The following MDM2 variants were observed in gnomAD, a reference collection of about 807,000 sequenced individuals.
MDM2 encodes E3 ubiquitin-protein ligase Mdm2.
A neutral mutation model predicts 64.3 loss-of-function variants in MDM2; 11 were observed. That is an observed-to-expected ratio of 0.17 (90% CI 0.11 to 0.28). The LOEUF (loss-of-function observed/expected upper bound fraction) is 0.28. Ranked by LOEUF, MDM2 falls within the 10% of genes least tolerant of loss-of-function variation. MDM2 has a pLI of 1.00. For missense variants in MDM2, 388 were observed against 577.1 expected (o/e 0.67, Z 3.36); for synonymous variants, 194 against 192.9 (o/e 1.01, Z -0.05).
chr12:68,833,396 A>G (rs1172431311), intron 8 of MDM2, among the ~76,000 whole-genome samples: 1 of 135,208 alleles, frequency 7.4e-6, no homozygotes, highest in Non-Finnish European at 1.5e-5. Flanking sequence ...ATTACTATTT[A>G]TATAAATATA....
chr12:68,832,594 C>T (rs941962343), intron 8 of MDM2, among the ~76,000 whole-genome samples: 25 of 152,178 alleles, frequency 1.6e-4, no homozygotes, highest in African/African-American at 5.8e-4. Context: ...TTACTGCAAC[C>T]TCAACCTCCT....
Position 68,843,192 on chromosome 12 carries a change from G to C in MDM2, c.*3343G>C, listed in dbSNP as rs1474709405. 1.3e-5 allele frequency: 3 copies of C among 224,028 alleles called. No homozygotes were observed. Among genetic ancestry groups the C allele is most frequent in the African/African-American group, 2.2e-5 (1 of 44,730 alleles). The allele number at this position is 224,028 out of a possible 1,614,324, so 13.9% of individuals were successfully genotyped here. On this transcript the variant is annotated 3_prime_UTR_variant, in exon 11 of 11. Transcript: ENST00000258149. ...CACAAAACCACTTTTAATGGGTACA[G>C]AGTTAAATTTGAAGGAATAAGTTCT...
chr12:68,816,586 TG>T (rs2136120721), intron 3 of MDM2, among the ~76,000 whole-genome samples: 1 of 152,148 alleles, frequency 6.6e-6, no homozygotes, highest in Admixed American at 6.6e-5. Context: ...CTTTATCTCC[TG>T]ACCTCGTGAT....
At chr12:68,832,307 A>G (rs1235690445) in intron 8 of MDM2, among the ~76,000 whole-genome samples, 1 of 152,018 alleles carries the variant, frequency 6.6e-6, no homozygotes, top group Non-Finnish European at 1.5e-5. Context: ...TGTGTTCTAG[A>G]CTGTACACCA....
intron 5 of MDM2, among the ~76,000 whole-genome samples, chr12:68,823,606 A>G (rs985790122): frequency 1.4e-4 from 22 of 152,020 alleles, no homozygotes; most frequent in South Asian, 1.0e-3. Flanking sequence ...TATTATTGCA[A>G]TTGTCTAATA....
Position 68,839,762 on chromosome 12 carries a change from A to C in MDM2, c.1407A>C (p.Thr469=). 3.7e-6 allele frequency: 6 copies of C among 1,614,174 alleles called. No individual in the cohort carries two copies. Among genetic ancestry groups the C allele is most frequent in the Non-Finnish European group, 5.1e-6 (6 of 1,180,034 alleles). ...CAGGACATCTTATGGCCTGCTTTAC[A>C]TGTGCAAAGAAGCTAAAGAAAAGGA... ...GKTGHLMACF[T]CAKKLKKRNK... is the part of the protein sequence containing the mutation. Residue 469 remains threonine, a synonymous_variant, in exon 11 of 11, where the codon ACA becomes ACC. Coordinates refer to ENST00000258149, the MANE Select transcript of MDM2 (RefSeq NM_002392.6).
At chr12:68,827,144 C>T (rs922553430) in intron 7 of MDM2, among the ~76,000 whole-genome samples, 1 of 152,188 alleles carries the variant, frequency 6.6e-6, no homozygotes, top group Non-Finnish European at 1.5e-5. Context: ...TGCCATTATA[C>T]TCCAGCCTGG....
intron 8 of MDM2, 39 bp from the exon 9 acceptor site, chr12:68,835,790 G>T (rs371701201): frequency 1.3e-6 from 2 of 1,585,948 alleles, no homozygotes; most frequent in South Asian, 1.1e-5. Flanking sequence ...AGGTCAAGAG[G>T]TGATGTTTAT....
At position 68,808,278 on chromosome 12, in the gene MDM2, C is replaced by G; in HGVS notation, c.-200C>G. ...CAAGAAGCCGAGCCCGAGGGGCGGCCGCGACCCCTCTGACCGAGATCCTGC... is the reference window on the plus strand; with the variant it reads ...CAAGAAGCCGAGCCCGAGGGGCGGCGGCGACCCCTCTGACCGAGATCCTGC... On this transcript the variant is annotated 5_prime_UTR_variant, in exon 1 of 11. Transcript: ENST00000258149. 2 of 635,660 alleles carry G rather than the reference C, an allele frequency of 3.1e-6. No individual in the cohort carries two copies. Among genetic ancestry groups the G allele is most frequent in the Non-Finnish European group, 5.4e-6 (2 of 368,120 alleles). 39.4% of individuals were successfully genotyped at this position (635,660 alleles called of 1,614,324 possible).
At chr12:68,808,846 G>C (rs1209881259) in intron 1 of MDM2, 2 of 902,978 alleles carry the variant, frequency 2.2e-6, no homozygotes, top group African/African-American at 3.6e-5. Context: ...CGGGTCACTA[G>C]TGTGAACGCT....
chr12:68,823,643 T>A (rs2063543137), intron 5 of MDM2, among the ~76,000 whole-genome samples: 1 of 152,234 alleles, frequency 6.6e-6, no homozygotes, highest in Admixed American at 6.5e-5. Context: ...TGCCCTCTTT[T>A]TCTTATGTTT....
chr12:68,832,107 T>C (rs1882844857), intron 8 of MDM2, among the ~76,000 whole-genome samples: 1 of 152,132 alleles, frequency 6.6e-6, no homozygotes, highest in Non-Finnish European at 1.5e-5. Context: ...TCAGGTTAAG[T>C]CCCTAGTTGT....
Position 68,816,362 on chromosome 12 carries a change from C to CTTTTTTTTTTTT in MDM2, c.175-433_175-422dup, listed in dbSNP as rs62874563. On this transcript the variant is annotated intron_variant, in intron 3 of 10. Transcript: ENST00000258149. ...TTAAATGGAAAAGGCTTAAAAGTAG[C>CTTTTTTTTTTTT]TTTTTTTTTTTTTTTTTTTTTTTTT... Among the ~76,000 whole-genome samples, 4 of 61,084 alleles carry CTTTTTTTTTTTT rather than the reference C, an allele frequency of 6.5e-5. 1 individual carries two copies. The highest frequency in any genetic ancestry group is 2.7e-4 in the African/African-American group (4 of 14,906). 40.1% of individuals were successfully genotyped at this position (61,084 alleles called of 152,430 possible).
Position 68,837,739 on chromosome 12 carries a change from A to G in MDM2, c.918+990A>G, listed in dbSNP as rs2136173308. Among the ~76,000 whole-genome samples the G allele has an allele frequency of 2.0e-5, 3 of 152,340 alleles. No individual in the cohort carries two copies. The South Asian group carries it at 6.2e-4, about 32-fold the overall frequency. Reference sequence around the variant, plus strand: ...AAGAAATTAACACTTAAATGTTTACATCTCATGCATACTTCACTGAGTTCC... The same window carrying G: ...AAGAAATTAACACTTAAATGTTTACGTCTCATGCATACTTCACTGAGTTCC... On this transcript the variant is annotated intron_variant, in intron 10 of 10. Coordinates refer to ENST00000258149, the MANE Select transcript of MDM2 (RefSeq NM_002392.6).
chr12:68,818,389 AAAAGT>A (rs907868135), intron 4 of MDM2, among the ~76,000 whole-genome samples: 33 of 151,828 alleles, frequency 2.2e-4, no homozygotes, highest in African/African-American at 7.7e-4. Flanking sequence ...GAAAACTAAG[AAAAGT>A]AAAGGAAAAA....
rs547696481 is a variant in MDM2 at position 68,836,744 on chromosome 12, T to C, written c.913T>C (p.Leu305=). 5 of 1,607,224 alleles carry C rather than the reference T, an allele frequency of 3.1e-6. No individual in the cohort carries two copies. The highest frequency in any genetic ancestry group is 4.5e-5 in the East Asian group (2 of 44,688). The change falls in exon 10 of 11, where the codon TTA becomes CTA. Residue 305 remains leucine (L), a synonymous_variant. Coordinates refer to ENST00000258149, the MANE Select transcript of MDM2 (RefSeq NM_002392.6). ...ATTTGAAGAAGATCCTGAAATTTCC[T>C]TAGCTGTAAGTATACATCTACTTTT... is the stretch of plus-strand genomic sequence containing the variant. ...DSFEEDPEIS[L]ADYWKCTSCN...
At chr12:68,833,736 TTA>T (rs1883091558) in intron 8 of MDM2, among the ~76,000 whole-genome samples, 1 of 152,112 alleles carries the variant, frequency 6.6e-6, no homozygotes. Flanking sequence ...CAATAAAACT[TTA>T]TTTATAAAAG....
At chr12:68,813,468 A>G (rs1881084871) in intron 2 of MDM2, 86 bp from the exon 3 acceptor site, 4 of 859,860 alleles carry the variant, frequency 4.7e-6, no homozygotes, top group Non-Finnish European at 7.5e-6. Flanking sequence ...AATCCCCTTT[A>G]TTGAACTTGA....
chr12:68,808,760 C>T (rs2136104663), intron 1 of MDM2, among the ~76,000 whole-genome samples: 1 of 150,246 alleles, frequency 6.7e-6, no homozygotes, highest in East Asian at 2.0e-4. Flanking sequence ...CGCGGGAGTT[C>T]AGGGTAAAGG....
Sources: gnomAD v4.1 joint callset for allele counts (sites outside exome capture counted in the v4.1 genomes callset) on GRCh38, gnomAD v4.1.1 for gene constraint, MANE v1.5 for transcripts, NCBI Gene and HGNC (gene_info 2026-07-23, HGNC 2026-07-21) for gene names.